Variants in KCTD8 observed in about 807,000 individuals in gnomAD.
KCTD8 encodes the protein potassium channel tetramerization domain containing 8.
Under a neutral mutation model 31.5 loss-of-function variants are expected in KCTD8, and 27 were observed. That is an observed-to-expected ratio of 0.86 (90% CI 0.63 to 1.18). The LOEUF is 1.18. Among genes scored for constraint, KCTD8 ranks in the 50% most tolerant of loss-of-function variants. The probability of loss-of-function intolerance (pLI) is 0.00; values close to 1 mark genes in which losing one functional copy is unlikely to be tolerated. For synonymous variants in KCTD8, 290 were observed against 280.0 expected, an observed-to-expected ratio of 1.04 and a Z score of -0.36; for missense variants, 658 against 647.7, an observed-to-expected ratio of 1.02 and a Z score of -0.17.
At chr4:44,374,180 A>T (rs1719861621) in intron 1 of KCTD8, among the ~76,000 whole-genome samples, 1 of 152,182 alleles carries the variant, frequency 6.6e-6, no homozygotes, top group Non-Finnish European at 1.5e-5. Flanking sequence ...AGGTAGACCC[A>T]AATTTAAAGT....
rs1470980718 is a variant in KCTD8, at chr4:44,174,275, T to G, written c.*515A>C. ...TTCTTTCCAAGCAACAAACAGATCT[T>G]CCCTATTTCTTGTGATTTATTTGTA... On this transcript the variant is annotated 3_prime_UTR_variant, in exon 2 of 2. Transcript: ENST00000360029. 6.6e-6 allele frequency: 1 copy of G among 152,610 alleles called. No homozygotes were observed. The highest frequency in any genetic ancestry group is 1.9e-4 in the East Asian group (1 of 5,188). The allele number at this position is 152,610 out of a possible 1,614,324, so 9.5% of individuals were successfully genotyped here. A position where few individuals can be genotyped will look rare whatever the true frequency, so the allele number is the denominator to read the frequency against.
At chr4:44,414,066 A>G (rs1721017933) in intron 1 of KCTD8, among the ~76,000 whole-genome samples, 1 of 152,200 alleles carries the variant, frequency 6.6e-6, no homozygotes, top group South Asian at 2.1e-4. Context: ...TTTTAGCCCA[A>G]TAAGATCCAC....
chr4:44,239,125 G>A (rs1269095010), intron 1 of KCTD8, among the ~76,000 whole-genome samples: 2 of 152,102 alleles, frequency 1.3e-5, no homozygotes, highest in Non-Finnish European at 2.9e-5. Flanking sequence ...CACTAGATGA[G>A]GATCACATAA....
chr4:44,397,142 T>C (rs1348519475), intron 1 of KCTD8, among the ~76,000 whole-genome samples: 1 of 152,148 alleles, frequency 6.6e-6, no homozygotes, highest in Admixed American at 6.6e-5. Context: ...AGATTATGAA[T>C]TGTGATTGAT....
intron 1 of KCTD8, among the ~76,000 whole-genome samples, chr4:44,294,947 G>A (rs1387558996): frequency 6.6e-6 from 1 of 152,026 alleles, no homozygotes; most frequent in African/African-American, 2.4e-5. Context: ...CAATGAACTA[G>A]AAGAAGGTAA....
At chr4:44,335,640 T>C (rs1400101090) in intron 1 of KCTD8, among the ~76,000 whole-genome samples, 2 of 152,186 alleles carry the variant, frequency 1.3e-5, no homozygotes, top group Non-Finnish European at 2.9e-5. Flanking sequence ...TGAGAACTAT[T>C]TGTGAATTTG....
chr4:44,344,309 C>T (rs574294163), intron 1 of KCTD8, among the ~76,000 whole-genome samples: 10 of 152,094 alleles, frequency 6.6e-5, no homozygotes, highest in Non-Finnish European at 1.2e-4. Flanking sequence ...CTCAGCCTCC[C>T]AGGTAGCTAA....
chr4:44,336,396 C>A (rs1718745800), intron 1 of KCTD8, among the ~76,000 whole-genome samples: 2 of 151,240 alleles, frequency 1.3e-5, no homozygotes, highest in Non-Finnish European at 3.0e-5. Context: ...TCAATACCAC[C>A]CAATTAGAAA....
intron 1 of KCTD8, among the ~76,000 whole-genome samples, chr4:44,302,087 T>C (rs1717641695): frequency 1.3e-5 from 2 of 152,208 alleles, no homozygotes. Context: ...ATCTCTGTTT[T>C]GGTACCAGTA....
At chr4:44,348,734 A>G (rs549952700) in intron 1 of KCTD8, among the ~76,000 whole-genome samples, 1 of 152,266 alleles carries the variant, frequency 6.6e-6, no homozygotes, top group African/African-American at 2.4e-5. Flanking sequence ...ACAGCCATGT[A>G]TATTCACATT....
chr4:44,385,628 A>C (rs1258471339), intron 1 of KCTD8, among the ~76,000 whole-genome samples: 1 of 151,680 alleles, frequency 6.6e-6, no homozygotes, highest in Non-Finnish European at 1.5e-5. Context: ...GCTTCATGGC[A>C]CTGGATTTAA....
intron 1 of KCTD8, among the ~76,000 whole-genome samples, chr4:44,441,468 A>G (rs966595534): frequency 1.3e-5 from 2 of 152,186 alleles, no homozygotes; most frequent in African/African-American, 4.8e-5. Flanking sequence ...TAAATTTTAA[A>G]ATTTTGAGTT....
chr4:44,418,299 T>C (rs1488477166), intron 1 of KCTD8, among the ~76,000 whole-genome samples: 1 of 152,162 alleles, frequency 6.6e-6, no homozygotes, highest in East Asian at 1.9e-4. Context: ...CAGACATGGC[T>C]AGAGCAAAGG....
chr4:44,281,285 A>T (rs1716899637), intron 1 of KCTD8, among the ~76,000 whole-genome samples: 1 of 152,154 alleles, frequency 6.6e-6, no homozygotes, highest in South Asian at 2.1e-4. Flanking sequence ...TCATTTACTG[A>T]TTGCAAAAGA....
chr4:44,248,460 A>AAAAAG (rs1715732393), intron 1 of KCTD8, among the ~76,000 whole-genome samples: 1 of 151,608 alleles, frequency 6.6e-6, no homozygotes, highest in Non-Finnish European at 1.5e-5. Context: ...ACCAAAAAAA[A>AAAAAG]AAAGAAAGAA....
intron 1 of KCTD8, among the ~76,000 whole-genome samples, chr4:44,392,660 T>C (rs2109450918): frequency 6.6e-6 from 1 of 152,140 alleles, no homozygotes; most frequent in African/African-American, 2.4e-5. Flanking sequence ...TTTTTGATCA[T>C]GCTAATGATG....
chr4:44,394,337 G>A (rs1654994642), intron 1 of KCTD8, among the ~76,000 whole-genome samples: 1 of 151,878 alleles, frequency 6.6e-6, no homozygotes, highest in African/African-American at 2.4e-5. Context: ...AGTGGGATTT[G>A]AGTACATATC....
Position 44,448,237 on chromosome 4 carries a change from C to A in KCTD8, c.287G>T (p.Arg96Leu). The A allele has an allele frequency of 6.2e-7, 1 of 1,611,480 alleles. No individual in the cohort carries two copies. Among genetic ancestry groups the A allele is most frequent in the Non-Finnish European group, 8.5e-7 (1 of 1,179,356 alleles). The stretch of plus-strand genomic sequence containing the variant: ...GAAGCCGTCCCGGTCGATGAAGAAG[C>A]GCGCCCGGCTGTCCCTGGGCAGCTC... ...RGELPRDSRA[R>L]FFIDRDGFLF... is the part of the protein sequence containing the mutation. Residue 96 changes from arginine (R) to leucine (L), a missense_variant, in exon 1 of 2, where the codon CGC becomes CTC. Coordinates refer to ENST00000360029, the MANE Select transcript of KCTD8 (RefSeq NM_198353.3). The surrounding 1 kb of genome is among the most constrained non-coding windows in gnomAD (Gnocchi z 4.1).
At chr4:44,354,178 A>G (rs1312822286) in intron 1 of KCTD8, among the ~76,000 whole-genome samples, 1 of 152,132 alleles carries the variant, frequency 6.6e-6, no homozygotes, top group Middle Eastern at 3.2e-3. Flanking sequence ...AATTTTAATC[A>G]TATCAGCTTC....
Sources: gnomAD v4.1 joint callset for allele counts (sites outside exome capture counted in the v4.1 genomes callset) on GRCh38, gnomAD v4.1.1 for gene constraint, Gnocchi (gnomAD v3.1) non-coding constraint, MANE v1.5 for transcripts, NCBI Gene and HGNC (gene_info 2026-07-23, HGNC 2026-07-21) for gene names.